The following COL24A1 variants were observed in gnomAD, a reference collection of about 807,000 sequenced individuals.
COL24A1 encodes the protein collagen alpha-1(XXIV) chain.
In COL24A1, 224 loss-of-function variants were observed where a neutral mutation model predicts 253.9. The ratio of observed to expected loss-of-function variants is 0.88; its 90% confidence interval spans 0.79 to 0.99. COL24A1 has a LOEUF of 0.99. Ranked by LOEUF, COL24A1 falls within the 50% of genes least tolerant of loss-of-function variation. COL24A1 has a pLI of 0.00. For synonymous variants in COL24A1, 685 were observed against 673.7 expected, an observed-to-expected ratio of 1.02 and a Z score of -0.26; for missense variants, 2,131 against 2,068.5, an observed-to-expected ratio of 1.03 and a Z score of -0.59.
chr1:86,046,086 T>C (rs187718936), intron 12 of COL24A1, among the ~76,000 whole-genome samples: 3 of 152,334 alleles, frequency 2.0e-5, no homozygotes, highest in Admixed American at 1.3e-4. Flanking sequence ...TCAAAGAATA[T>C]TGCAAAGCTT....
chr1:85,828,614 G>T (rs1217749625), intron 43 of COL24A1, among the ~76,000 whole-genome samples: 1 of 148,880 alleles, frequency 6.7e-6, no homozygotes, highest in Non-Finnish European at 1.5e-5. Context: ...CTCCTGTATT[G>T]GGTGCATATA....
At chr1:85,730,756 GC>G in intron 59 of COL24A1, 64 bp from the exon 60 acceptor site, 1 of 1,516,080 alleles carries the variant, frequency 6.6e-7, no homozygotes, top group South Asian at 1.2e-5. Context: ...AGTAGACAAT[GC>G]CTTTCACAGA....
At chr1:85,996,701 G>A (rs1448612823) in intron 19 of COL24A1, among the ~76,000 whole-genome samples, 4 of 152,150 alleles carry the variant, frequency 2.6e-5, no homozygotes, top group South Asian at 2.1e-4. Context: ...AAGACAAGAC[G>A]TAGTTACTAT....
intron 12 of COL24A1, among the ~76,000 whole-genome samples, chr1:86,042,173 A>G (rs1256692501): frequency 6.6e-6 from 1 of 152,196 alleles, no homozygotes; most frequent in Admixed American, 6.5e-5. Context: ...TGTGGTTAGT[A>G]AGTACTTATG....
chr1:86,156,594 C>T lies in COL24A1; in HGVS notation c.-198G>A, dbSNP rs2102492345. On this transcript the variant is annotated 5_prime_UTR_variant, in exon 1 of 60. Transcript: ENST00000370571. ...AGGAAATAGCACCCGAAGGGGAGGA[C>T]AGGCTTCCTAGCTCTCTGGCTCGGT... is the stretch of plus-strand genomic sequence containing the variant. 2 of 446,648 alleles carry T rather than the reference C, an allele frequency of 4.5e-6. No individual in the cohort carries two copies. The highest frequency in any genetic ancestry group is 7.5e-5 in the East Asian group (2 of 26,668). The allele number at this position is 446,648 out of a possible 1,614,324, so 27.7% of individuals were successfully genotyped here.
chr1:86,024,407 A>G (rs58824912), intron 14 of COL24A1, among the ~76,000 whole-genome samples: 125 of 152,248 alleles, frequency 8.2e-4, no homozygotes, highest in African/African-American at 2.7e-3. Context: ...TGAATACTGA[A>G]GGGATTAATT....
At chr1:85,848,854 A>C (rs899089240) in intron 38 of COL24A1, among the ~76,000 whole-genome samples, 2 of 152,196 alleles carry the variant, frequency 1.3e-5, no homozygotes, top group African/African-American at 2.4e-5. Context: ...CTCACTATGA[A>C]TGTTGATTTT....
chr1:85,857,987 T>C (rs1015493132), intron 37 of COL24A1, among the ~76,000 whole-genome samples: 1 of 152,200 alleles, frequency 6.6e-6, no homozygotes, highest in African/African-American at 2.4e-5. Context: ...CTAGGGTTTA[T>C]TATTTATTAC....
chr1:86,001,585 GA>G (rs1477331668), intron 19 of COL24A1, among the ~76,000 whole-genome samples: 2 of 152,166 alleles, frequency 1.3e-5, no homozygotes, highest in African/African-American at 2.4e-5. Context: ...ATCCTTGAAA[GA>G]GGAATACATT....
chr1:85,868,265 A>G (rs1459159802), intron 37 of COL24A1, among the ~76,000 whole-genome samples: 4 of 152,238 alleles, frequency 2.6e-5, no homozygotes, highest in Non-Finnish European at 5.9e-5. Context: ...TCAGTTTGAG[A>G]CAACATAAAA....
intron 19 of COL24A1, among the ~76,000 whole-genome samples, chr1:85,997,590 C>T (rs1694954341): frequency 1.3e-5 from 2 of 152,000 alleles, no homozygotes; most frequent in South Asian, 4.2e-4. Context: ...CGAGACCATC[C>T]TGGCCAACAT....
At chr1:86,144,444 G>A (rs1651590799) in intron 2 of COL24A1, among the ~76,000 whole-genome samples, 1 of 152,156 alleles carries the variant, frequency 6.6e-6, no homozygotes, top group Admixed American at 6.5e-5. Flanking sequence ...AAGGGAAAGA[G>A]TTTTGTCTTC....
chr1:85,828,701 C>A (rs1225691459), intron 43 of COL24A1, among the ~76,000 whole-genome samples: 1 of 110,450 alleles, frequency 9.1e-6, no homozygotes, highest in Non-Finnish European at 2.0e-5. Flanking sequence ...CTCTTTTGAT[C>A]TTTGTTGGTT....
At chr1:85,980,695 C>A (rs2100855101) in intron 20 of COL24A1, among the ~76,000 whole-genome samples, 1 of 152,060 alleles carries the variant, frequency 6.6e-6, no homozygotes, top group South Asian at 2.1e-4. Context: ...GATCACAAGA[C>A]CAGGAGATCG....
At chr1:86,014,259 A>C (rs753879037) in intron 19 of COL24A1, among the ~76,000 whole-genome samples, 2 of 152,166 alleles carry the variant, frequency 1.3e-5, no homozygotes, top group Non-Finnish European at 2.9e-5. Context: ...CCAGACCATA[A>C]GTTACTAAGG....
chr1:85,775,679 C>T lies in COL24A1; in HGVS notation c.4369G>A (p.Glu1457Lys), dbSNP rs774412838. ...GPRGEKGFRGETGPQGPRGQP... is the reference protein window; with the variant it reads ...GPRGEKGFRGKTGPQGPRGQP... ...ACAAATTTAGTTAAACTTACAGTTT[C>T]ACCTCTAAAGCCCTTTTCACCTCTG... Residue 1457 changes from glutamate (E) to lysine (K), a missense_variant, in exon 53 of 60, where the codon GAA becomes AAA. Physicochemically the swap from Glu to Lys is moderately conservative, Grantham distance 56. Coordinates refer to ENST00000370571, the MANE Select transcript of COL24A1 (RefSeq NM_152890.7). 2.5e-6 allele frequency: 4 copies of T among 1,605,726 alleles called. No individual in the cohort carries two copies. The highest frequency in any genetic ancestry group is 3.4e-6 in the Non-Finnish European group (4 of 1,177,256).
rs970054553 is a variant in COL24A1 at position 85,922,949 on chromosome 1, C to T, written c.2563-11516G>A. The stretch of plus-strand genomic sequence containing the variant: ...TCTCACATGCAGAGATACACATAGG[C>T]TCAAAATAAATGGATGGAGGAAGAT... On this transcript the variant is annotated intron_variant, in intron 24 of 59. Transcript: ENST00000370571. Among the ~76,000 whole-genome samples, 3 of 151,814 alleles carry T rather than the reference C, an allele frequency of 2.0e-5. No homozygotes were observed. In the East Asian group the frequency reaches 5.8e-4, roughly 29 times the overall value.
intron 7 of COL24A1, among the ~76,000 whole-genome samples, chr1:86,075,341 G>C (rs532599636): frequency 1.3e-4 from 20 of 152,178 alleles, no homozygotes; most frequent in East Asian, 7.7e-4. Flanking sequence ...GACTAAACTA[G>C]GAAGAAGTCA....
intron 12 of COL24A1, among the ~76,000 whole-genome samples, chr1:86,043,513 T>A (rs1014494737): frequency 1.3e-5 from 2 of 148,928 alleles, no homozygotes; most frequent in Non-Finnish European, 2.9e-5. Context: ...AATCCAAACT[T>A]CTTCTTTTTA....
Sources: gnomAD v4.1 joint callset for allele counts (sites outside exome capture counted in the v4.1 genomes callset) on GRCh38, gnomAD v4.1.1 for gene constraint, MANE v1.5 for transcripts, NCBI Gene and HGNC (gene_info 2026-07-23, HGNC 2026-07-21) for gene names.